The following CDYL2 variants were observed in gnomAD, a reference collection of about 807,000 sequenced individuals.
The protein encoded by CDYL2 is chromodomain Y like 2.
In CDYL2, 23 loss-of-function variants were observed where a neutral mutation model predicts 49.4. That is an observed-to-expected ratio of 0.47 (90% CI 0.34 to 0.66). CDYL2 has a LOEUF of 0.66. Ranked by LOEUF, CDYL2 falls within the 30% of genes least tolerant of loss-of-function variation. CDYL2 has a pLI of 0.01. For synonymous variants in CDYL2, 360 were observed against 268.8 expected, an observed-to-expected ratio of 1.34 and a Z score of -3.32; for missense variants, 678 against 656.4, an observed-to-expected ratio of 1.03 and a Z score of -0.36.
chr16:80,697,262 G>A (rs1204721601), intron 1 of CDYL2, among the ~76,000 whole-genome samples: 1 of 152,096 alleles, frequency 6.6e-6, no homozygotes, highest in African/African-American at 2.4e-5. Context: ...TTCACATATG[G>A]CTCAACATAC....
intron 2 of CDYL2, 96 bp from the exon 3 acceptor site, chr16:80,633,332 T>C: frequency 7.9e-7 from 1 of 1,263,096 alleles, no homozygotes; most frequent in South Asian, 1.4e-5. Flanking sequence ...TGGAAAGGTT[T>C]GGATGTGCTG....
chr16:80,692,133 C>T (rs775669814), intron 1 of CDYL2, among the ~76,000 whole-genome samples: 1 of 152,176 alleles, frequency 6.6e-6, no homozygotes, highest in Non-Finnish European at 1.5e-5. Context: ...AAACGCTAAT[C>T]AAGTCATAAT....
At chr16:80,740,205 G>A (rs1259499400) in intron 1 of CDYL2, among the ~76,000 whole-genome samples, 2 of 152,148 alleles carry the variant, frequency 1.3e-5, no homozygotes, top group Non-Finnish European at 2.9e-5. Flanking sequence ...CCAGGAAGAT[G>A]CACCAAAAAC....
rs757828354 is a variant in CDYL2, at chr16:80,604,357, T to C, written c.*31A>G. On this transcript the variant is annotated 3_prime_UTR_variant, in exon 7 of 7. Coordinates refer to ENST00000570137, the MANE Select transcript of CDYL2 (RefSeq NM_152342.4). ...TGGTTTCCGAAACACAGGGCAGAGC[T>C]GGAAGTTGGGGGCCCGTGAGCTGGG... 6.2e-7 allele frequency: 1 copy of C among 1,613,194 alleles called. No homozygotes were observed. The highest frequency in any genetic ancestry group is 1.1e-5 in the South Asian group (1 of 91,066).
intron 6 of CDYL2, among the ~76,000 whole-genome samples, chr16:80,606,840 C>T (rs1240746172): frequency 6.6e-6 from 1 of 150,846 alleles, no homozygotes; most frequent in Non-Finnish European, 1.5e-5. Flanking sequence ...TCCCCTTTCA[C>T]TTGGTTGTCA....
chr16:80,801,032 T>C (rs559549674), intron 1 of CDYL2, among the ~76,000 whole-genome samples: 3 of 152,302 alleles, frequency 2.0e-5, no homozygotes, highest in Non-Finnish European at 2.9e-5. Flanking sequence ...GTTTTTCTTA[T>C]CTACCATTGA....
chr16:80,642,691 T>C (rs1245236862), intron 2 of CDYL2, among the ~76,000 whole-genome samples: 1 of 152,062 alleles, frequency 6.6e-6, no homozygotes, highest in African/African-American at 2.4e-5. Flanking sequence ...TACATAGCAG[T>C]GGCAAGAGGA....
intron 2 of CDYL2, among the ~76,000 whole-genome samples, chr16:80,644,214 T>G (rs1165359697): frequency 6.6e-6 from 1 of 152,218 alleles, no homozygotes; most frequent in African/African-American, 2.4e-5. Flanking sequence ...ACATAACAAG[T>G]GCCACCTTTG....
chr16:80,669,864 G>A (rs1909427397), intron 2 of CDYL2, among the ~76,000 whole-genome samples: 1 of 152,218 alleles, frequency 6.6e-6, no homozygotes, highest in African/African-American at 2.4e-5. Context: ...GAGAGTGAGT[G>A]CACACCATGA....
intron 1 of CDYL2, among the ~76,000 whole-genome samples, chr16:80,694,699 C>G (rs1341078844): frequency 6.6e-6 from 1 of 152,094 alleles, no homozygotes; most frequent in Non-Finnish European, 1.5e-5. Context: ...CAGTCACACC[C>G]TACTATCAAT....
At chr16:80,753,234 T>C (rs1387780556) in intron 1 of CDYL2, among the ~76,000 whole-genome samples, 1 of 151,926 alleles carries the variant, frequency 6.6e-6, no homozygotes, top group Non-Finnish European at 1.5e-5. Flanking sequence ...AGAATGGCCT[T>C]TCCGAGAAAT....
At chr16:80,801,436 C>T (rs1907923756) in intron 1 of CDYL2, among the ~76,000 whole-genome samples, 2 of 152,242 alleles carry the variant, frequency 1.3e-5, no homozygotes, top group Non-Finnish European at 1.5e-5. Context: ...CTCTTTACAA[C>T]TTAATTGTCT....
At chr16:80,745,229 T>A (rs980261979) in intron 1 of CDYL2, among the ~76,000 whole-genome samples, 1 of 152,168 alleles carries the variant, frequency 6.6e-6, no homozygotes, top group Non-Finnish European at 1.5e-5. Flanking sequence ...GGTTTTTAAC[T>A]GAGACCTTCT....
intron 1 of CDYL2, among the ~76,000 whole-genome samples, chr16:80,800,896 G>C (rs1055574621): frequency 2.0e-5 from 3 of 152,168 alleles, no homozygotes; most frequent in African/African-American, 7.2e-5. Flanking sequence ...ACTAGAATCA[G>C]GTTGCAAACT....
chr16:80,780,535 G>C (rs1907229727), intron 1 of CDYL2, among the ~76,000 whole-genome samples: 1 of 150,368 alleles, frequency 6.7e-6, no homozygotes, highest in African/African-American at 2.5e-5. Context: ...CTCCCAAGTA[G>C]CTGGGATTAC....
At chr16:80,648,866 A>T (rs957178239) in intron 2 of CDYL2, among the ~76,000 whole-genome samples, 5 of 152,188 alleles carry the variant, frequency 3.3e-5, no homozygotes, top group African/African-American at 9.6e-5. Context: ...AATGCAATAC[A>T]TCATATCAAC....
intron 1 of CDYL2, among the ~76,000 whole-genome samples, chr16:80,751,369 C>G (rs980486714): frequency 6.6e-6 from 1 of 152,214 alleles, no homozygotes; most frequent in Non-Finnish European, 1.5e-5. Flanking sequence ...ACTTAGCATT[C>G]TGGTCTTCTC....
intron 4 of CDYL2, among the ~76,000 whole-genome samples, chr16:80,613,755 G>C (rs1346801410): frequency 6.6e-6 from 1 of 152,202 alleles, no homozygotes; most frequent in Non-Finnish European, 1.5e-5. Flanking sequence ...TCTGGACATG[G>C]AGGAAAGACA....
At chr16:80,784,672 C>T (rs973043826) in intron 1 of CDYL2, among the ~76,000 whole-genome samples, 24 of 152,330 alleles carry the variant, frequency 1.6e-4, no homozygotes, top group African/African-American at 5.3e-4. Context: ...AAGACCTCCA[C>T]AAACACCTCT....
Sources: allele counts gnomAD v4.1 joint callset (sites outside exome capture counted in the v4.1 genomes callset), GRCh38; gene constraint gnomAD v4.1.1; transcripts MANE v1.5; gene names NCBI Gene and HGNC (gene_info 2026-07-23, HGNC 2026-07-21).